The following C2CD5 variants were observed in gnomAD, a reference collection of about 807,000 sequenced individuals.
C2CD5 encodes C2 domain-containing protein 5.
A neutral mutation model predicts 130.3 loss-of-function variants in C2CD5; 109 were observed. That is an observed-to-expected ratio of 0.84 (90% confidence interval 0.72 to 0.98). C2CD5 has a LOEUF of 0.98. C2CD5 is among the 50% of genes least tolerant of loss of function. C2CD5 has a pLI of 0.00. For synonymous variants in C2CD5, 454 were observed against 429.2 expected, an observed-to-expected ratio of 1.06 and a Z score of -0.71; for missense variants, 996 against 1,261.8, an observed-to-expected ratio of 0.79 and a Z score of 3.19.
At chr12:22,477,473 C>G (rs966692875) in intron 15 of C2CD5, 1 of 151,952 alleles carries the variant, frequency 6.6e-6, no homozygotes, top group Admixed American at 6.6e-5. Context: ...TTAGATAAGA[C>G]GTTTAAAATA....
intron 24 of C2CD5, among the ~76,000 whole-genome samples, chr12:22,457,518 T>C (rs984695882): frequency 3.3e-5 from 5 of 152,174 alleles, no homozygotes; most frequent in African/African-American, 4.8e-5. Context: ...AGTGTGAAAG[T>C]TGTTCTATTT....
intron 14 of C2CD5, 74 bp downstream of exon 14, chr12:22,482,481 CTA>C (rs1944875345): frequency 8.1e-7 from 1 of 1,232,710 alleles, no homozygotes. Context: ...TTTGAAAAGA[CTA>C]TTTGAATCAC....
chr12:22,508,962 C>T (rs893534573), intron 9 of C2CD5, among the ~76,000 whole-genome samples: 8 of 151,734 alleles, frequency 5.3e-5, no homozygotes, highest in African/African-American at 7.3e-5. Flanking sequence ...CTGCAAGCTC[C>T]GCTTCCCGGG....
At chr12:22,490,318 C>G in intron 11 of C2CD5, 100 bp from the exon 12 acceptor site, 1 of 754,354 alleles carries the variant, frequency 1.3e-6, no homozygotes, top group South Asian at 1.8e-5. Flanking sequence ...AATTTAAGTT[C>G]AAGTTAGACT....
In C2CD5 at chr12:22,466,253, AT is replaced by A. The variant is rs1175647473; in HGVS notation, c.2533+3455del. 3.9e-5 allele frequency among the ~76,000 whole-genome samples: 6 copies of A among 152,076 alleles called. No individual in the cohort carries two copies. In the East Asian group the frequency reaches 1.2e-3, roughly 29 times the overall value. On this transcript the variant is annotated intron_variant, in intron 22 of 26. Transcript: ENST00000446597. ...AATAAAAAATTTTAACAATCATCCT[AT>A]TTGTGATTAAAAACATGAAATATAC... is the stretch of plus-strand genomic sequence containing the variant.
At chr12:22,540,290 T>C (rs957026466) in intron 2 of C2CD5, among the ~76,000 whole-genome samples, 6 of 152,312 alleles carry the variant, frequency 3.9e-5, no homozygotes, top group African/African-American at 1.4e-4. Context: ...CAGCTTTATT[T>C]TCTCCATATA....
chr12:22,513,709 TAAC>T (rs1318554536), intron 8 of C2CD5, among the ~76,000 whole-genome samples: 3 of 152,044 alleles, frequency 2.0e-5, no homozygotes, highest in South Asian at 2.1e-4. Flanking sequence ...ATCAAGATAA[TAAC>T]AATTACTATG....
At chr12:22,524,125 CAGA>C (rs1950524187) in intron 6 of C2CD5, among the ~76,000 whole-genome samples, 1 of 152,052 alleles carries the variant, frequency 6.6e-6, no homozygotes, top group South Asian at 2.1e-4. Flanking sequence ...GTATGAGAGA[CAGA>C]AGAAGGTGAT....
rs371070760 is a variant in C2CD5 at position 22,523,672 on chromosome 12, A to G, written c.602-48T>C. 1.2e-4 allele frequency: 163 copies of G among 1,405,294 alleles called. No individual in the cohort carries two copies. The African/African-American group carries it at 1.8e-3, about 15-fold the overall frequency. 87.1% of individuals were successfully genotyped at this position (1,405,294 alleles called of 1,614,324 possible). ...TTCTTGCTTTGTAGCTTTACATTACATACTATAAGACTGGACATGGTAGTG... is the reference window on the plus strand; with the variant it reads ...TTCTTGCTTTGTAGCTTTACATTACGTACTATAAGACTGGACATGGTAGTG... On this transcript the variant is annotated intron_variant, in intron 6 of 26. Coordinates refer to ENST00000446597, the MANE Select transcript of C2CD5 (RefSeq NM_001286176.2).
intron 3 of C2CD5, among the ~76,000 whole-genome samples, chr12:22,533,497 T>C (rs1434084160): frequency 6.6e-6 from 1 of 151,892 alleles, no homozygotes; most frequent in Non-Finnish European, 1.5e-5. Context: ...ACAGACCAAA[T>C]CAACCCATGA....
At chr12:22,469,409 T>G (rs1308219771) in intron 22 of C2CD5, among the ~76,000 whole-genome samples, 2 of 152,160 alleles carry the variant, frequency 1.3e-5, no homozygotes, top group African/African-American at 4.8e-5. Flanking sequence ...TATCAAGTAT[T>G]CTATGTGTGA....
Position 22,493,074 on chromosome 12 carries a change from C to T in C2CD5, c.1262+149G>A, listed in dbSNP as rs554486047. 45 of 444,966 alleles carry T rather than the reference C, an allele frequency of 1.0e-4. No individual in the cohort carries two copies. The Admixed American group carries it at 1.1e-3, about 11-fold the overall frequency. 27.6% of individuals were successfully genotyped at this position (444,966 alleles called of 1,614,324 possible). ...TTACACAGTCACTAACTGGCAAAGA[C>T]GGCATATAAACCTTAATCTAATGTA... is the stretch of plus-strand genomic sequence containing the variant. On this transcript the variant is annotated intron_variant, in intron 11 of 26. Coordinates refer to ENST00000446597, the MANE Select transcript of C2CD5 (RefSeq NM_001286176.2).
chr12:22,530,534 T>G (rs1442586454), intron 3 of C2CD5, among the ~76,000 whole-genome samples: 1 of 151,808 alleles, frequency 6.6e-6, no homozygotes, highest in Non-Finnish European at 1.5e-5. Context: ...CTCGACTCAC[T>G]GCAACCTCTG....
chr12:22,523,842 T>C (rs1217593722), intron 6 of C2CD5, among the ~76,000 whole-genome samples: 1 of 151,442 alleles, frequency 6.6e-6, no homozygotes, highest in Non-Finnish European at 1.5e-5. Context: ...TATATACTTA[T>C]ACAGCACAAA....
chr12:22,475,833 G>A (rs1592000490), intron 15 of C2CD5, among the ~76,000 whole-genome samples: 1 of 152,040 alleles, frequency 6.6e-6, no homozygotes, highest in East Asian at 1.9e-4. Context: ...CTACAAAATG[G>A]AAAAGAGCTG....
chr12:22,523,340 C>A (rs966330761), intron 7 of C2CD5, 86 bp downstream of exon 7: 3 of 995,434 alleles, frequency 3.0e-6, no homozygotes, highest in African/African-American at 3.3e-5. Context: ...GTTGAACAAC[C>A]CTACTAAAAT....
intron 22 of C2CD5, among the ~76,000 whole-genome samples, chr12:22,465,750 C>G (rs1254859489): frequency 6.6e-6 from 1 of 151,896 alleles, no homozygotes; most frequent in Non-Finnish European, 1.5e-5. Context: ...ATGAGAAAAA[C>G]ACATGAAAAT....
chr12:22,533,636 G>C (rs144847064), intron 3 of C2CD5, among the ~76,000 whole-genome samples: 159 of 152,274 alleles, frequency 1.0e-3, no homozygotes, highest in African/African-American at 3.6e-3. Context: ...GAACATGAGT[G>C]ATAGGGACCT....
At position 22,472,467 on chromosome 12, in the gene C2CD5, A is replaced by G. The variant is rs562201710; in HGVS notation, c.2108-120T>C. On this transcript the variant is annotated intron_variant, in intron 17 of 26. Transcript: ENST00000446597. ...TAACACCCTTCATTTTTTTTCTTCTAAAACTATACCTGCAGGAGACTTTAA... is the reference window on the plus strand; with the variant it reads ...TAACACCCTTCATTTTTTTTCTTCTGAAACTATACCTGCAGGAGACTTTAA... 6.8e-5 allele frequency: 44 copies of G among 643,218 alleles called. 1 individual carries two copies. In the South Asian group the frequency reaches 8.9e-4, roughly 13 times the overall value. 39.8% of individuals were successfully genotyped at this position (643,218 alleles called of 1,614,324 possible).
Sources: allele counts gnomAD v4.1 joint callset (sites outside exome capture counted in the v4.1 genomes callset), GRCh38; gene constraint gnomAD v4.1.1; transcripts MANE v1.5; gene names NCBI Gene and HGNC (gene_info 2026-07-23, HGNC 2026-07-21).